PPDPFL: variants seen among roughly 807,000 people sequenced by gnomAD.
PPDPFL encodes pancreatic progenitor cell differentiation and proliferation factor like.
PPDPFL carries 12 observed loss-of-function variants against 12.6 expected under a neutral mutation model. The observed-to-expected ratio is 0.95, with a 90% CI of 0.61 to 1.54. The LOEUF is 1.54. Among genes scored for constraint, PPDPFL ranks in the 40% most tolerant of loss-of-function variants. The pLI is 0.00. For synonymous variants in PPDPFL, 24 were observed against 32.7 expected (o/e 0.73, Z 0.91); for missense variants, 114 against 96.0 (o/e 1.19, Z -0.78).
At chr8:49,068,349 G>GGGAT (rs1808331179), upstream of PPDPFL, among the ~76,000 whole-genome samples, 1 of 152,148 alleles carries the variant, frequency 6.6e-6, no homozygotes, top group African/African-American at 2.4e-5. Context: ...CAGGAGAGGT[G>GGGAT]GGATGGCCTA....
Position 49,072,862 on chromosome 8 carries a change from T to C in PPDPFL, c.32T>C (p.Leu11Pro). Residue 11 changes from leucine (L) to proline (P), a missense_variant, in exon 2 of 5, where the codon CTA becomes CCA. Transcript: ENST00000522267. ...TCCGTACCTTCCATTGGTTGCCTTC[T>C]AGCCAGAAATCAGTATTATCGAAGT... Reference protein sequence around the residue: MASVPSIGCLLARNQYYRKSS... With the variant: MASVPSIGCLPARNQYYRKSS... 2 of 1,607,186 alleles carry C rather than the reference T, an allele frequency of 1.2e-6. No individual in the cohort carries two copies. Among genetic ancestry groups the C allele is most frequent in the Non-Finnish European group, 1.7e-6 (2 of 1,177,334 alleles).
chr8:49,066,218 A>C (rs997185992), intron 1 of PPDPFL, among the ~76,000 whole-genome samples: 11 of 152,218 alleles, frequency 7.2e-5, no homozygotes, highest in African/African-American at 2.7e-4. Context: ...AAATGAAAGA[A>C]GAGAGTAGAT....
chr8:49,068,312 GTACCTGAACACC>G (rs1808330529), upstream of PPDPFL, among the ~76,000 whole-genome samples: 1 of 152,172 alleles, frequency 6.6e-6, no homozygotes, highest in Non-Finnish European at 1.5e-5. Context: ...GGTGAGAGTG[GTACCTGAACACC>G]ATGATGCCAC....
At chr8:49,072,977 A>G in intron 2 of PPDPFL, 92 bp downstream of exon 2, 1 of 1,146,658 alleles carries the variant, frequency 8.7e-7, no homozygotes, top group South Asian at 1.4e-5. Flanking sequence ...TGTTACCTTC[A>G]GAACTTAAGG....
chr8:49,061,521 C>T (rs940917004), intron 1 of PPDPFL, among the ~76,000 whole-genome samples: 2 of 152,084 alleles, frequency 1.3e-5, no homozygotes, highest in Admixed American at 6.5e-5. Flanking sequence ...TGGAATGGTG[C>T]GATGGTGGAA....
chr8:49,074,412 CACT>C, intron 4 of PPDPFL, 79 bp downstream of exon 4: 4 of 1,574,794 alleles, frequency 2.5e-6, no homozygotes, highest in Non-Finnish European at 3.5e-6. Context: ...TTATGCTACT[CACT>C]TAGGGTACAT....
At chr8:49,074,734 T>C in intron 4 of PPDPFL, 1 of 1,450,202 alleles carries the variant, frequency 6.9e-7, no homozygotes, top group South Asian at 1.5e-5. Flanking sequence ...AGCTTCTGTG[T>C]GGTGCAAATT....
At chr8:49,060,668 A>C (rs1171465615) in intron 1 of PPDPFL, among the ~76,000 whole-genome samples, 1 of 152,112 alleles carries the variant, frequency 6.6e-6, no homozygotes, top group Non-Finnish European at 1.5e-5. Context: ...TAGTTAAAGG[A>C]TCAGCGGAAA....
chr8:49,073,968 C>T, intron 2 of PPDPFL, 91 bp from the exon 3 acceptor site: 2 of 817,256 alleles, frequency 2.4e-6, no homozygotes, highest in South Asian at 3.1e-5. Context: ...GATTTCAAAC[C>T]ATGCTACTTG....
At chr8:49,074,573 A>C (rs1453591526) in intron 4 of PPDPFL, 7 of 1,536,250 alleles carry the variant, frequency 4.6e-6, no homozygotes, top group Admixed American at 2.0e-5. Flanking sequence ...TGGAGAAGTC[A>C]TATGCCAAAC....
At chr8:49,055,478 G>A (rs1159580072) in intron 1 of PPDPFL, among the ~76,000 whole-genome samples, 2 of 152,104 alleles carry the variant, frequency 1.3e-5, no homozygotes, top group African/African-American at 2.4e-5. Flanking sequence ...CCTGGTCTCA[G>A]CCTTTTGTGT....
chr8:49,072,038 G>A (rs1442057342), upstream of PPDPFL, among the ~76,000 whole-genome samples: 4 of 152,230 alleles, frequency 2.6e-5, no homozygotes, highest in Admixed American at 2.6e-4. Flanking sequence ...TGGAGTGTGT[G>A]ATTGTATCTA....
chr8:49,071,818 TCTAA>T (rs530060284), upstream of PPDPFL, among the ~76,000 whole-genome samples: 71 of 151,174 alleles, frequency 4.7e-4, no homozygotes, highest in Admixed American at 8.6e-4. Flanking sequence ...TGCTAGAATT[TCTAA>T]CTCACTGTCC....
intron 1 of PPDPFL, among the ~76,000 whole-genome samples, chr8:49,056,554 G>A (rs1047970054): frequency 6.6e-6 from 1 of 152,068 alleles, no homozygotes; most frequent in Non-Finnish European, 1.5e-5. Flanking sequence ...ATAAGCCCTG[G>A]TGTGTAGTAT....
chr8:49,072,981 C>T (rs1212073759), intron 2 of PPDPFL, 96 bp downstream of exon 2: 2 of 1,101,032 alleles, frequency 1.8e-6, no homozygotes, highest in African/African-American at 3.2e-5. Context: ...ACCTTCAGAA[C>T]TTAAGGGAGA....
rs536855809 is a variant in PPDPFL, at chr8:49,075,326, G to A, written c.*153G>A. On this transcript the variant is annotated 3_prime_UTR_variant, in exon 5 of 5. Coordinates refer to ENST00000522267, the MANE Select transcript of PPDPFL (RefSeq NM_001256597.2). ...CCCTTCAGCGCCCCAGCTATTCCAG[G>A]ACTCTTCTCCATTGTAAGAAGACAG... is the stretch of plus-strand genomic sequence containing the variant. 9.4e-5 allele frequency: 139 copies of A among 1,475,882 alleles called. No individual in the cohort carries two copies. In the African/African-American group the frequency reaches 1.7e-3, roughly 19 times the overall value. The allele number at this position is 1,475,882 out of a possible 1,614,324, so 91.4% of individuals were successfully genotyped here.
upstream of PPDPFL, among the ~76,000 whole-genome samples, chr8:49,070,926 G>C (rs78427568): frequency 0.032 from 4,801 of 152,166 alleles, 271 homozygotes; most frequent in African/African-American, 0.11. Context: ...AAAATTTCCA[G>C]TACGCAGTGG....
At chr8:49,070,283 C>T (rs1475534620), upstream of PPDPFL, among the ~76,000 whole-genome samples, 1 of 152,126 alleles carries the variant, frequency 6.6e-6, no homozygotes, top group Admixed American at 6.6e-5. Flanking sequence ...AGGATAATAA[C>T]TAACGGGTAC....
Position 49,072,837 on chromosome 8 carries a change from T to A in PPDPFL, c.7T>A (p.Ser3Thr), listed in dbSNP as rs1279337028. The A allele has an allele frequency of 1.9e-6, 3 of 1,605,756 alleles. No homozygotes were observed. In the African/African-American group the frequency reaches 4.0e-5, roughly 22 times the overall value. Residue 3 changes from serine to threonine, a missense_variant, in exon 2 of 5, where the codon TCC (serine) becomes ACC (threonine). Ser to Thr is a moderately conservative substitution (Grantham distance 58). Coordinates refer to ENST00000522267, the MANE Select transcript of PPDPFL (RefSeq NM_001256597.2). Reference protein sequence around the residue: MASVPSIGCLLAR... With the variant: MATVPSIGCLLAR... ...CTTTCTCACGGGTAAAGCCATGGCA[T>A]CCGTACCTTCCATTGGTTGCCTTCT... is the stretch of plus-strand genomic sequence containing the variant.
Sources: gnomAD v4.1 joint callset for allele counts (sites outside exome capture counted in the v4.1 genomes callset) on GRCh38, gnomAD v4.1.1 for gene constraint, MANE v1.5 for transcripts, NCBI Gene and HGNC (gene_info 2026-07-23, HGNC 2026-07-21) for gene names.